The following EPHA3 variants were observed in gnomAD, a reference collection of about 807,000 sequenced individuals.
EPHA3 encodes the protein ephrin type-A receptor 3.
Under a neutral mutation model 107.1 loss-of-function variants are expected in EPHA3, and 42 were observed. That is an observed-to-expected ratio of 0.39 (90% confidence interval 0.31 to 0.51). The LOEUF is 0.51. Ranked by LOEUF, EPHA3 falls within the 20% of genes least tolerant of loss-of-function variation. The pLI is 0.78. For missense variants in EPHA3, 1,183 were observed against 1,211.2 expected (o/e 0.98, Z 0.35); for synonymous variants, 461 against 424.8 (o/e 1.09, Z -1.05).
intron 1 of EPHA3, among the ~76,000 whole-genome samples, chr3:89,119,141 A>G (rs909310739): frequency 6.6e-6 from 1 of 152,136 alleles, no homozygotes; most frequent in African/African-American, 2.4e-5. Context: ...AGCATGTCCA[A>G]AATAACTAAA....
chr3:89,159,210 G>A (rs369898312), intron 2 of EPHA3, among the ~76,000 whole-genome samples: 13 of 152,024 alleles, frequency 8.6e-5, no homozygotes, highest in African/African-American at 3.1e-4. Flanking sequence ...CATTTCTATA[G>A]CCCTGATTAT....
At chr3:89,295,332 C>G (rs561178067) in intron 3 of EPHA3, among the ~76,000 whole-genome samples, 1 of 152,182 alleles carries the variant, frequency 6.6e-6, no homozygotes, top group African/African-American at 2.4e-5. Context: ...GAGGATCTTG[C>G]CTCAATGTTG....
intron 11 of EPHA3, among the ~76,000 whole-genome samples, chr3:89,428,292 T>G (rs1234491397): frequency 6.6e-6 from 1 of 152,026 alleles, no homozygotes; most frequent in Non-Finnish European, 1.5e-5. Context: ...AATTAGCCTC[T>G]GTGTCTCAGT....
intron 3 of EPHA3, among the ~76,000 whole-genome samples, chr3:89,275,181 C>G (rs1013626466): frequency 6.6e-6 from 1 of 151,896 alleles, no homozygotes; most frequent in Non-Finnish European, 1.5e-5. Context: ...CCCAAAATTC[C>G]TACTATTGGA....
chr3:89,444,342 T>C (rs755351961), intron 13 of EPHA3, among the ~76,000 whole-genome samples: 24 of 150,570 alleles, frequency 1.6e-4, no homozygotes, highest in Non-Finnish European at 2.7e-4. Flanking sequence ...TTAAATTCCA[T>C]AATAATTTTG....
Position 89,482,053 on chromosome 3 carries a change from C to T in EPHA3, c.*2551C>T, listed in dbSNP as rs142920086. 1 of 219,098 alleles carries T rather than the reference C, an allele frequency of 4.6e-6. No homozygotes were observed. The highest frequency in any genetic ancestry group is 1.8e-4 in the South Asian group (1 of 5,422). The allele number at this position is 219,098 out of a possible 1,614,324, so 13.6% of individuals were successfully genotyped here. A position where few individuals can be genotyped will look rare whatever the true frequency, so the allele number is the denominator to read the frequency against. On this transcript the variant is annotated 3_prime_UTR_variant, in exon 17 of 17. Coordinates refer to ENST00000336596, the MANE Select transcript of EPHA3 (RefSeq NM_005233.6). ...TTATGTTGTACAATGTAGATGGCCTCTTACTAATGTAAAATGATTTGTAGT... is the reference window on the plus strand; with the variant it reads ...TTATGTTGTACAATGTAGATGGCCTTTTACTAATGTAAAATGATTTGTAGT...
intron 3 of EPHA3, among the ~76,000 whole-genome samples, chr3:89,332,569 C>A (rs564190499): frequency 1.3e-5 from 2 of 152,158 alleles, no homozygotes; most frequent in Non-Finnish European, 2.9e-5. Context: ...AATGCCTGGG[C>A]CTTGCCTCAA....
chr3:89,452,919 CA>C (rs1306163398), intron 15 of EPHA3, among the ~76,000 whole-genome samples: 3 of 152,098 alleles, frequency 2.0e-5, no homozygotes, highest in African/African-American at 7.2e-5. Flanking sequence ...GAATCATAAA[CA>C]AGATCTTAAT....
At chr3:89,224,947 G>T (rs1385412088) in intron 3 of EPHA3, among the ~76,000 whole-genome samples, 1 of 152,000 alleles carries the variant, frequency 6.6e-6, no homozygotes, top group African/African-American at 2.4e-5. Context: ...AGACGGGAAA[G>T]GTTAAAGAGT....
At chr3:89,470,917 T>C (rs1710386739) in intron 15 of EPHA3, among the ~76,000 whole-genome samples, 1 of 152,214 alleles carries the variant, frequency 6.6e-6, no homozygotes, top group Admixed American at 6.5e-5. Context: ...AGGTCCTTCA[T>C]GTCTGTGTAA....
chr3:89,438,027 A>C (rs1218267440), intron 13 of EPHA3, among the ~76,000 whole-genome samples: 1 of 151,950 alleles, frequency 6.6e-6, no homozygotes, highest in Admixed American at 6.6e-5. Flanking sequence ...GGCTTTTTAG[A>C]TCTGTGACTC....
chr3:89,250,306 A>C (rs1002194798), intron 3 of EPHA3, among the ~76,000 whole-genome samples: 2 of 152,126 alleles, frequency 1.3e-5, no homozygotes. Flanking sequence ...ATGCCTATGC[A>C]TTTACTCAGT....
rs1183366141 is a variant in EPHA3 at position 89,288,979 on chromosome 3, T to C, written c.815-51937T>C. On this transcript the variant is annotated intron_variant, in intron 3 of 16. Transcript: ENST00000336596. Reference sequence around the variant, plus strand: ...GTATACATTAAATATACTTTGACAATTACCATCGTAACAGCTTATATTAAC... The same window carrying C: ...GTATACATTAAATATACTTTGACAACTACCATCGTAACAGCTTATATTAAC... Among the ~76,000 whole-genome samples the C allele has an allele frequency of 2.0e-5, 3 of 152,162 alleles. No homozygotes were observed. In the South Asian group the frequency reaches 6.2e-4, roughly 31 times the overall value.
chr3:89,301,334 T>C (rs1706483414), intron 3 of EPHA3, among the ~76,000 whole-genome samples: 2 of 151,998 alleles, frequency 1.3e-5, no homozygotes, highest in Admixed American at 6.6e-5. Flanking sequence ...AATGGGAAAA[T>C]TTTTGAGAGG....
Position 89,335,497 on chromosome 3 carries a change from G to A in EPHA3, c.815-5419G>A, listed in dbSNP as rs533441915. ...AGTGTCTAGGTCATTTTAGGAAATC[G>A]ATACATGTTTGATAAAAGTGAAGGA... On this transcript the variant is annotated intron_variant, in intron 3 of 16. Transcript: ENST00000336596. Among the ~76,000 whole-genome samples the A allele has an allele frequency of 3.3e-5, 5 of 152,178 alleles. No homozygotes were observed. In the East Asian group the frequency reaches 7.7e-4, roughly 24 times the overall value.
chr3:89,259,611 A>G lies in EPHA3; in HGVS notation c.814+49091A>G, dbSNP rs538489759. ...CCATATGATGTTATGGGATACATGT[A>G]GATAGTAAAATGGTTGCTCTACTGA... On this transcript the variant is annotated intron_variant, in intron 3 of 16. Transcript: ENST00000336596. Among the ~76,000 whole-genome samples the G allele has an allele frequency of 2.0e-5, 3 of 152,308 alleles. No homozygotes were observed. The South Asian group carries it at 6.2e-4, about 32-fold the overall frequency.
At chr3:89,356,054 A>C in intron 5 of EPHA3, among the ~76,000 whole-genome samples, 1 of 128,652 alleles carries the variant, frequency 7.8e-6, no homozygotes, top group South Asian at 2.4e-4. Flanking sequence ...TCATTGTTCA[A>C]TTCTCACCTA....
At chr3:89,316,727 A>T (rs143016112) in intron 3 of EPHA3, among the ~76,000 whole-genome samples, 3,001 of 151,182 alleles carry the variant, frequency 0.02, 60 homozygotes, top group South Asian at 0.046. Context: ...AACATACTGG[A>T]GAGTTACCTT....
chr3:89,387,817 T>A (rs1446843206), intron 5 of EPHA3, among the ~76,000 whole-genome samples: 5 of 152,302 alleles, frequency 3.3e-5, no homozygotes, highest in South Asian at 4.1e-4. Flanking sequence ...ATTACTTTTT[T>A]AAAATTTTTT....
Sources: allele counts gnomAD v4.1 joint callset (sites outside exome capture counted in the v4.1 genomes callset), GRCh38; gene constraint gnomAD v4.1.1; transcripts MANE v1.5; gene names NCBI Gene and HGNC (gene_info 2026-07-23, HGNC 2026-07-21).